Variants in KCNJ6 observed in about 807,000 individuals in gnomAD.
KCNJ6 encodes potassium inwardly rectifying channel subfamily J member 6, also known as G protein-activated inward rectifier potassium channel 2.
KCNJ6 carries 9 observed loss-of-function variants against 34.2 expected under a neutral mutation model. The ratio of observed to expected loss-of-function variants is 0.26; its 90% CI spans 0.16 to 0.46. The LOEUF (loss-of-function observed/expected upper bound fraction) is 0.46, where lower values mean the gene tolerates loss of function less well. KCNJ6 is among the 20% of genes least tolerant of loss of function. The probability of loss-of-function intolerance (pLI) is 1.00; values close to 1 mark genes in which losing one functional copy is unlikely to be tolerated. For synonymous variants in KCNJ6, 196 were observed against 207.1 expected (o/e 0.95, Z 0.46); for missense variants, 236 against 531.3 (o/e 0.44, Z 5.46).
chr21:37,708,639 G>A (rs1241908212), intron 3 of KCNJ6, among the ~76,000 whole-genome samples: 2 of 152,090 alleles, frequency 1.3e-5, no homozygotes, highest in Non-Finnish European at 2.9e-5. Flanking sequence ...CCTCTATGAA[G>A]AGTTTTACCC....
intron 3 of KCNJ6, among the ~76,000 whole-genome samples, chr21:37,660,476 T>C (rs1001834795): frequency 1.8e-4 from 28 of 152,156 alleles, no homozygotes; most frequent in Admixed American, 1.4e-3. Flanking sequence ...ATTTGAGTTG[T>C]AGAGTGGGCT....
chr21:37,781,590 T>C (rs1379954884), intron 2 of KCNJ6, among the ~76,000 whole-genome samples: 1 of 152,210 alleles, frequency 6.6e-6, no homozygotes, highest in Non-Finnish European at 1.5e-5. Flanking sequence ...CTCTAAAGTA[T>C]ACCATGAGGC....
chr21:37,724,034 C>T (rs1015764982), intron 2 of KCNJ6, among the ~76,000 whole-genome samples: 4 of 151,664 alleles, frequency 2.6e-5, no homozygotes, highest in East Asian at 1.9e-4. Flanking sequence ...TGCTGGTATG[C>T]GGTGTGCGTG....
intron 3 of KCNJ6, among the ~76,000 whole-genome samples, chr21:37,670,960 T>A (rs2054538624): frequency 6.6e-6 from 1 of 152,252 alleles, no homozygotes; most frequent in Non-Finnish European, 1.5e-5. Flanking sequence ...TCAATGGGCC[T>A]GTTTTCTTAA....
intron 3 of KCNJ6, among the ~76,000 whole-genome samples, chr21:37,681,123 C>T (rs1004748005): frequency 4.1e-5 from 6 of 147,472 alleles, no homozygotes; most frequent in Non-Finnish European, 7.4e-5. Context: ...TCTAACTAAT[C>T]TCAAGGAACC....
intron 1 of KCNJ6, among the ~76,000 whole-genome samples, chr21:37,892,690 G>A (rs2055767853): frequency 6.6e-6 from 1 of 152,102 alleles, no homozygotes; most frequent in South Asian, 2.1e-4. Context: ...GTGCAGAATG[G>A]GCATAGGGCT....
chr21:37,914,035 G>GTGTGTGTGTGTC, intron 1 of KCNJ6, among the ~76,000 whole-genome samples: 2 of 151,402 alleles, frequency 1.3e-5, no homozygotes, highest in East Asian at 3.9e-4. Context: ...GTGTGTGTGT[G>GTGTGTGTGTGTC]TGTGTGTGTG....
At chr21:37,846,835 C>T (rs2055511158) in intron 1 of KCNJ6, among the ~76,000 whole-genome samples, 1 of 152,174 alleles carries the variant, frequency 6.6e-6, no homozygotes, top group African/African-American at 2.4e-5. Flanking sequence ...ATCTCCCGCC[C>T]TGTTCTTCAG....
intron 3 of KCNJ6, among the ~76,000 whole-genome samples, chr21:37,692,765 G>A (rs1359589982): frequency 6.6e-6 from 1 of 152,132 alleles, no homozygotes; most frequent in Non-Finnish European, 1.5e-5. Flanking sequence ...TGTTTCCATT[G>A]ATAACCACAA....
chr21:37,641,469 G>A (rs970129182), intron 3 of KCNJ6, among the ~76,000 whole-genome samples: 7 of 152,032 alleles, frequency 4.6e-5, no homozygotes, highest in East Asian at 3.9e-4. Flanking sequence ...AAGTAAAGGT[G>A]GATTATCCTA....
At chr21:37,633,418 A>T (rs941444254) in intron 3 of KCNJ6, among the ~76,000 whole-genome samples, 5 of 152,184 alleles carry the variant, frequency 3.3e-5, no homozygotes, top group Admixed American at 3.3e-4. Context: ...TTAAATACAG[A>T]TGCAGTAAAT....
chr21:37,801,847 T>C (rs1392737194), intron 2 of KCNJ6, among the ~76,000 whole-genome samples: 1 of 152,176 alleles, frequency 6.6e-6, no homozygotes, highest in Admixed American at 6.5e-5. Flanking sequence ...TATTTGGTAT[T>C]TCTCAAAGCC....
chr21:37,840,782 A>G (rs2055476503), intron 1 of KCNJ6, 73 bp from the exon 2 acceptor site: 1 of 797,234 alleles, frequency 1.3e-6, no homozygotes, highest in Non-Finnish European at 2.1e-6. Flanking sequence ...TGCCATTTAC[A>G]GCTATATCTC....
chr21:37,862,372 C>A (rs1297095802), intron 1 of KCNJ6, among the ~76,000 whole-genome samples: 1 of 152,330 alleles, frequency 6.6e-6, no homozygotes. Context: ...GTAAATGTCA[C>A]CTTTATACAC....
intron 2 of KCNJ6, among the ~76,000 whole-genome samples, chr21:37,830,362 G>A (rs570821438): frequency 2.0e-5 from 3 of 152,158 alleles, no homozygotes; most frequent in Admixed American, 6.5e-5. Context: ...TAAATGCCTG[G>A]GTCTGTTTGG....
In KCNJ6 at chr21:37,654,212, C is replaced by G. The variant is rs78334674; in HGVS notation, c.947-28728G>C. 2.5e-3 allele frequency among the ~76,000 whole-genome samples: 354 copies of G among 144,110 alleles called. 1 individual carries two copies. Among genetic ancestry groups the G allele is most frequent in the African/African-American group, 8.9e-3 (345 of 38,922 alleles). 94.5% of individuals were successfully genotyped at this position (144,110 alleles called of 152,430 possible). On this transcript the variant is annotated intron_variant, in intron 3 of 3. Coordinates refer to ENST00000609713, the MANE Select transcript of KCNJ6 (RefSeq NM_002240.5). ...TTCATCCACACTTTTTCCTTTCATTCATTCACTCATGGAATCAGGAAGCAA... is the reference window on the plus strand; with the variant it reads ...TTCATCCACACTTTTTCCTTTCATTGATTCACTCATGGAATCAGGAAGCAA...
intron 3 of KCNJ6, among the ~76,000 whole-genome samples, chr21:37,706,047 G>A (rs2054717767): frequency 7.4e-6 from 1 of 134,648 alleles, no homozygotes; most frequent in South Asian, 2.6e-4. Context: ...GCTTCTCTGT[G>A]ACATGTGCTT....
At chr21:37,698,883 G>C (rs2054676278) in intron 3 of KCNJ6, among the ~76,000 whole-genome samples, 1 of 152,032 alleles carries the variant, frequency 6.6e-6, no homozygotes, top group Non-Finnish European at 1.5e-5. Flanking sequence ...ATTTTTAGTA[G>C]AGATGGGGTT....
intron 3 of KCNJ6, among the ~76,000 whole-genome samples, chr21:37,689,286 C>T (rs2054628766): frequency 1.4e-5 from 1 of 70,190 alleles, no homozygotes; most frequent in African/African-American, 6.0e-5. Context: ...TGACTAATTG[C>T]TCTGCAATCA....
Sources: gnomAD v4.1 joint callset for allele counts (sites outside exome capture counted in the v4.1 genomes callset) on GRCh38, gnomAD v4.1.1 for gene constraint, MANE v1.5 for transcripts, NCBI Gene and HGNC (gene_info 2026-07-23, HGNC 2026-07-21) for gene names.